ZNF438: variants seen among roughly 807,000 people sequenced by gnomAD.
ZNF438 encodes zinc finger protein 438.
ZNF438 carries 25 observed loss-of-function variants against 38.0 expected under a neutral mutation model. The ratio of observed to expected loss-of-function variants is 0.66; its 90% CI spans 0.48 to 0.92. The LOEUF is 0.92. Ranked by LOEUF, ZNF438 falls within the 40% of genes least tolerant of loss-of-function variation. ZNF438 has a pLI of 0.00. For synonymous variants in ZNF438, 372 were observed against 364.1 expected, an observed-to-expected ratio of 1.02 and a Z score of -0.25; for missense variants, 1,007 against 999.6, an observed-to-expected ratio of 1.01 and a Z score of -0.10.
Position 30,915,118 on chromosome 10 carries a change from A to AT in ZNF438, c.-114-6104dup, listed in dbSNP as rs1479068442. ...ATCATTTGACAGTTTTTAAGCTTAG[A>AT]TTTTTATCATCAGTCAGACTCTTTA... is the stretch of plus-strand genomic sequence containing the variant. On this transcript the variant is annotated intron_variant, in intron 2 of 5. Transcript: ENST00000413025. Among the ~76,000 whole-genome samples, 4 of 152,128 alleles carry AT rather than the reference A, an allele frequency of 2.6e-5. No homozygotes were observed. The East Asian group carries it at 5.8e-4, about 22-fold the overall frequency.
intron 1 of ZNF438, among the ~76,000 whole-genome samples, chr10:30,944,296 G>A (rs1296324996): frequency 6.6e-6 from 1 of 152,050 alleles, no homozygotes; most frequent in African/African-American, 2.4e-5. Context: ...AATTTGAAGG[G>A]GTAGGAAGAC....
intron 1 of ZNF438, among the ~76,000 whole-genome samples, chr10:31,000,252 C>T (rs1253373265): frequency 1.3e-5 from 2 of 152,170 alleles, no homozygotes; most frequent in Non-Finnish European, 2.9e-5. Context: ...ATGACATCAC[C>T]ATCTAGCCAG....
At chr10:30,942,980 G>C (rs2046979215) in intron 1 of ZNF438, among the ~76,000 whole-genome samples, 1 of 152,156 alleles carries the variant, frequency 6.6e-6, no homozygotes, top group African/African-American at 2.4e-5. Flanking sequence ...GTTTCAGAAA[G>C]GCAATAAAAG....
exon 6 of ZNF438, chr10:30,845,301 G>A: frequency 6.2e-7 from 1 of 1,614,126 alleles, no homozygotes; most frequent in Non-Finnish European, 8.5e-7. Context: ...TTCCTCGGAG[G>A]AGGAATGAAC....
chr10:30,935,651 C>G lies in ZNF438; in HGVS notation c.-115+5924G>C, dbSNP rs117043874. Among the ~76,000 whole-genome samples the G allele has an allele frequency of 4.1e-3, 621 of 152,144 alleles. 7 individuals are homozygous for G. Among genetic ancestry groups the G allele is most frequent in the East Asian group, 0.021 (110 of 5,182 alleles). On this transcript the variant is annotated intron_variant, in intron 2 of 5. Coordinates refer to ENST00000413025, the Ensembl canonical transcript of ZNF438. ...GTTCTCACATTGCTATAAAGAAATA[C>G]CAGAGACTGGTTAATTTATAAAGAA...
intron 4 of ZNF438, among the ~76,000 whole-genome samples, chr10:30,854,212 C>T (rs963027368): frequency 2.0e-5 from 3 of 151,702 alleles, no homozygotes; most frequent in South Asian, 2.1e-4. Flanking sequence ...CCCAGCTACT[C>T]GGGAGGCTGA....
intron 1 of ZNF438, among the ~76,000 whole-genome samples, chr10:30,974,675 T>C (rs946489723): frequency 6.6e-6 from 1 of 152,170 alleles, no homozygotes. Flanking sequence ...GTAAGATAAA[T>C]GGTTTATTCC....
intron 3 of ZNF438, among the ~76,000 whole-genome samples, chr10:30,903,262 C>T (rs1194105991): frequency 6.6e-6 from 1 of 152,200 alleles, no homozygotes; most frequent in African/African-American, 2.4e-5. Context: ...CAGCGGCGGG[C>T]TGAAGGACTC....
chr10:30,845,663 A>C, intron 5 of ZNF438, 90 bp from the exon 7 acceptor site: 3 of 1,452,292 alleles, frequency 2.1e-6, no homozygotes, highest in Non-Finnish European at 2.8e-6. Context: ...AGGGATCTAA[A>C]ACATAACACT....
At position 30,857,242 on chromosome 10, in the gene ZNF438, T is replaced by C. The variant is rs556098949; in HGVS notation, c.38-6875A>G. On this transcript the variant is annotated intron_variant, in intron 4 of 5. Transcript: ENST00000413025. The stretch of plus-strand genomic sequence containing the variant: ...TAAATTTTGAAATAGAAATGGCTTG[T>C]CATATTCTAAAATTTCTTTTTTTTT... Among the ~76,000 whole-genome samples, 10 of 150,946 alleles carry C rather than the reference T, an allele frequency of 6.6e-5. No homozygotes were observed. In the East Asian group the frequency reaches 1.9e-3, roughly 29 times the overall value.
At chr10:30,876,319 A>G (rs962722149) in intron 4 of ZNF438, among the ~76,000 whole-genome samples, 7 of 152,106 alleles carry the variant, frequency 4.6e-5, no homozygotes, top group African/African-American at 1.7e-4. Context: ...TGTGTGGAAG[A>G]GACTAGATGG....
chr10:30,878,668 T>C (rs2038801217), intron 3 of ZNF438, among the ~76,000 whole-genome samples: 1 of 152,156 alleles, frequency 6.6e-6, no homozygotes. Context: ...ATAACACTGC[T>C]GTCCATAAAC....
chr10:31,029,516 C>T (rs2057148177), intron 1 of ZNF438, among the ~76,000 whole-genome samples: 1 of 152,150 alleles, frequency 6.6e-6, no homozygotes, highest in Admixed American at 6.5e-5. Context: ...GTCAGCTCTA[C>T]CTTCAAAACG....
chr10:30,951,333 T>C (rs1173350732), intron 1 of ZNF438, among the ~76,000 whole-genome samples: 29 of 149,004 alleles, frequency 1.9e-4, no homozygotes, highest in African/African-American at 7.1e-4. Flanking sequence ...CTTTGAAAAC[T>C]GGCACAAGAC....
At chr10:30,874,642 A>G (rs1002811699) in intron 4 of ZNF438, among the ~76,000 whole-genome samples, 1 of 152,028 alleles carries the variant, frequency 6.6e-6, no homozygotes, top group Admixed American at 6.6e-5. Context: ...GTAATTTTCC[A>G]TAATTTAAGT....
intron 2 of ZNF438, among the ~76,000 whole-genome samples, chr10:30,936,337 G>A (rs2046253167): frequency 6.6e-6 from 1 of 152,146 alleles, no homozygotes; most frequent in South Asian, 2.1e-4. Context: ...TCCACTTTCT[G>A]GTTAAGCATT....
At chr10:30,885,609 T>C (rs1356048003) in intron 3 of ZNF438, among the ~76,000 whole-genome samples, 1 of 152,226 alleles carries the variant, frequency 6.6e-6, no homozygotes, top group Admixed American at 6.5e-5. Flanking sequence ...CCAGAATTCA[T>C]TCCCAAGGTG....
At chr10:30,877,935 T>G (rs1246858550) in intron 3 of ZNF438, among the ~76,000 whole-genome samples, 1 of 152,214 alleles carries the variant, frequency 6.6e-6, no homozygotes, top group Non-Finnish European at 1.5e-5. Flanking sequence ...TTAAAAGGCA[T>G]GATTCCTACT....
intron 4 of ZNF438, chr10:30,857,830 CAAT>C (rs2034928801): frequency 8.3e-7 from 1 of 1,210,498 alleles, no homozygotes; most frequent in African/African-American, 1.5e-5. Flanking sequence ...AATGAGGGCT[CAAT>C]AGCACTAGGT....
Sources: gnomAD v4.1 joint callset for allele counts (sites outside exome capture counted in the v4.1 genomes callset) on GRCh38, gnomAD v4.1.1 for gene constraint, MANE v1.5 for transcripts, NCBI Gene and HGNC (gene_info 2026-07-23, HGNC 2026-07-21) for gene names.